CD46: variants seen among roughly 807,000 people sequenced by gnomAD.
The protein encoded by CD46 is CD46 molecule.
Under a neutral mutation model 53.3 loss-of-function variants are expected in CD46, and 30 were observed. That is an observed-to-expected ratio of 0.56 (90% confidence interval 0.42 to 0.76). CD46 has a LOEUF of 0.76. Ranked by LOEUF, CD46 falls within the 30% of genes least tolerant of loss-of-function variation. The pLI is 0.00. For synonymous variants in CD46, 142 were observed against 152.0 expected (o/e 0.93, Z 0.48); for missense variants, 409 against 463.0 (o/e 0.88, Z 1.07).
intron 12 of CD46, among the ~76,000 whole-genome samples, chr1:207,793,195 TCAG>T (rs1659965242): frequency 6.6e-6 from 1 of 152,168 alleles, no homozygotes; most frequent in Admixed American, 6.5e-5. Context: ...AATGGAGGGA[TCAG>T]GAAAGCATGC....
In CD46 at chr1:207,794,642, T is replaced by C. The variant is rs1387944351; in HGVS notation, c.*1165T>C. On this transcript the variant is annotated 3_prime_UTR_variant, in exon 13 of 13. Transcript: ENST00000367042. Reference sequence around the variant, plus strand: ...AAGGCAGAGTACAAAGTAAGCCATGTATCTCAGGAAGGTAACTTCATTTTG... The same window carrying C: ...AAGGCAGAGTACAAAGTAAGCCATGCATCTCAGGAAGGTAACTTCATTTTG... 2 of 152,242 alleles carry C rather than the reference T, an allele frequency of 1.3e-5. No homozygotes were observed. Among genetic ancestry groups the C allele is most frequent in the African/African-American group, 2.4e-5 (1 of 41,472 alleles). The allele number at this position is 152,242 out of a possible 1,614,324, so 9.4% of individuals were successfully genotyped here. A position where few individuals can be genotyped will look rare whatever the true frequency, so the allele number is the denominator to read the frequency against.
intron 7 of CD46, chr1:207,768,048 A>T: frequency 1.9e-6 from 1 of 514,404 alleles, no homozygotes; most frequent in Non-Finnish European, 3.5e-6. Context: ...TAAATTTTGA[A>T]TGTGTTTATA....
intron 11 of CD46, among the ~76,000 whole-genome samples, chr1:207,789,392 T>C (rs1659578348): frequency 6.6e-6 from 1 of 152,206 alleles, no homozygotes; most frequent in Non-Finnish European, 1.5e-5. Flanking sequence ...AATTGGGGCA[T>C]ATAGTGACAT....
At chr1:207,772,419 C>A (rs931953139) in intron 8 of CD46, among the ~76,000 whole-genome samples, 1 of 152,160 alleles carries the variant, frequency 6.6e-6, no homozygotes, top group Non-Finnish European at 1.5e-5. Flanking sequence ...ATCACCCTGG[C>A]CAGAACTTCC....
intron 8 of CD46, among the ~76,000 whole-genome samples, chr1:207,779,963 G>A (rs1361394834): frequency 1.8e-4 from 17 of 93,254 alleles, no homozygotes; most frequent in South Asian, 1.6e-3. Flanking sequence ...AATAACTGCC[G>A]GGAACACTTC....
intron 8 of CD46, among the ~76,000 whole-genome samples, chr1:207,773,094 T>G (rs1657698540): frequency 6.6e-6 from 1 of 152,240 alleles, no homozygotes; most frequent in Non-Finnish European, 1.5e-5. Context: ...ATTGGTCTAT[T>G]CAGAGGTTCA....
intron 12 of CD46, among the ~76,000 whole-genome samples, chr1:207,791,131 C>T (rs552680557): frequency 6.6e-6 from 1 of 152,196 alleles, no homozygotes; most frequent in Admixed American, 6.5e-5. Context: ...AAAGACAAAA[C>T]ATACCAACCA....
rs1210938575 is a variant in CD46 at position 207,767,145 on chromosome 1, T to C, written c.806T>C (p.Val269Ala). The C allele has an allele frequency of 4.3e-6, 7 of 1,613,946 alleles. No homozygotes were observed. The highest frequency in any genetic ancestry group is 1.3e-5 in the African/African-American group (1 of 75,068). ...TACCTCGATGGCAGCGACACAATTG[T>C]CTGTGACAGTAACAGTACTTGGGAT... Reference protein sequence around the residue: ...GFYLDGSDTIVCDSNSTWDPP... With the variant: ...GFYLDGSDTIACDSNSTWDPP... The change falls in exon 6 of 13, where the codon GTC (valine) becomes GCC (alanine). Residue 269 changes from valine (V) to alanine (A), a missense_variant. Val to Ala is a moderately conservative substitution (Grantham distance 64, BLOSUM62 0). Transcript: ENST00000367042.
At chr1:207,784,664 G>A (rs1028329023) in intron 9 of CD46, among the ~76,000 whole-genome samples, 3 of 152,138 alleles carry the variant, frequency 2.0e-5, no homozygotes, top group African/African-American at 4.8e-5. Context: ...GTCTGAGACC[G>A]GGTAATTTAT....
chr1:207,767,674 T>C, intron 6 of CD46, 105 bp from the exon 7 acceptor site: 1 of 1,607,704 alleles, frequency 6.2e-7, no homozygotes, highest in Non-Finnish European at 8.5e-7. Context: ...CTTCCTTATA[T>C]GTCTTCTTCC....
chr1:207,781,310 A>T (rs1658711285), intron 8 of CD46, among the ~76,000 whole-genome samples: 1 of 151,768 alleles, frequency 6.6e-6, no homozygotes, highest in African/African-American at 2.4e-5. Flanking sequence ...GAGTTTTAAG[A>T]GTTATTTATA....
rs115177125 is a variant in CD46 at position 207,757,545 on chromosome 1, A to G, written c.292A>G (p.Thr98Ala). ...TCAAAATTATTTTCTTTCAGGAGAA[A>G]CATGTCCATATATACGGGATCCTTT... is the stretch of plus-strand genomic sequence containing the variant. ...PVSDDACYRE[T>A]CPYIRDPLNG... The change falls in exon 3 of 13, where the codon ACA becomes GCA. Residue 98 changes from threonine (T) to alanine (A), a missense_variant. Physicochemically the swap from Thr to Ala is moderately conservative, Grantham distance 58. Coordinates refer to ENST00000367042, the MANE Select transcript of CD46 (RefSeq NM_172351.3). 1.9e-6 allele frequency: 3 copies of G among 1,593,382 alleles called. No individual in the cohort carries two copies. The African/African-American group carries it at 4.0e-5, about 21-fold the overall frequency.
intron 8 of CD46, among the ~76,000 whole-genome samples, chr1:207,776,943 A>G (rs1345241767): frequency 6.6e-6 from 1 of 152,112 alleles, no homozygotes; most frequent in Admixed American, 6.5e-5. Flanking sequence ...GCCAATTTAC[A>G]TTTCTTTAAT....
At chr1:207,770,258 A>G in intron 7 of CD46, 63 bp from the exon 8 acceptor site, 1 of 1,164,832 alleles carries the variant, frequency 8.6e-7, no homozygotes, top group Non-Finnish European at 1.3e-6. Context: ...TATCAAAATT[A>G]AAGTCATAAT....
intron 11 of CD46, among the ~76,000 whole-genome samples, chr1:207,789,841 C>T (rs986826370): frequency 7.6e-6 from 1 of 130,802 alleles, no homozygotes; most frequent in African/African-American, 3.0e-5. Flanking sequence ...TGAGATCAGC[C>T]TGGGCAACAT....
Position 207,772,288 on chromosome 1 carries a change from G to T in CD46, c.943+1926G>T, listed in dbSNP as rs952972381. Among the ~76,000 whole-genome samples, 4 of 152,296 alleles carry T rather than the reference G, an allele frequency of 2.6e-5. No individual in the cohort carries two copies. In the East Asian group the frequency reaches 7.7e-4, roughly 29 times the overall value. Reference sequence around the variant, plus strand: ...CTTCGCTGAAGTTGTTTATCAGCTTGTGGAGATTTTGGGCTGAGACGATGG... The same window carrying T: ...CTTCGCTGAAGTTGTTTATCAGCTTTTGGAGATTTTGGGCTGAGACGATGG... On this transcript the variant is annotated intron_variant, in intron 8 of 12. Transcript: ENST00000367042.
chr1:207,778,757 T>C lies in CD46; in HGVS notation c.944-4535T>C, dbSNP rs578202994. On this transcript the variant is annotated intron_variant, in intron 8 of 12. Coordinates refer to ENST00000367042, the MANE Select transcript of CD46 (RefSeq NM_172351.3). ...TTTGTTCTTTTTGCGTAAGATTTTCTTGACTATTCAGGCTCTTTTTGGCTC... is the reference window on the plus strand; with the variant it reads ...TTTGTTCTTTTTGCGTAAGATTTTCCTGACTATTCAGGCTCTTTTTGGCTC... Among the ~76,000 whole-genome samples, 5 of 152,378 alleles carry C rather than the reference T, an allele frequency of 3.3e-5. No individual in the cohort carries two copies. In the South Asian group the frequency reaches 1.0e-3, roughly 32 times the overall value.
chr1:207,757,480 A>G (rs1655689203), intron 2 of CD46, 60 bp from the exon 3 acceptor site: 1 of 1,135,332 alleles, frequency 8.8e-7, no homozygotes, highest in South Asian at 1.3e-5. Flanking sequence ...CAGAATTTTG[A>G]TTTTGATTCA....
At position 207,787,848 on chromosome 1, in the gene CD46, G is replaced by T. The variant is rs746689516; in HGVS notation, c.1082+2166G>T. ...TGATAGCTGAACTGAATGTGAGGGT[G>T]GTTTATCTTTCTTCTTCAGAGTCTA... On this transcript the variant is annotated intron_variant, in intron 11 of 12. Coordinates refer to ENST00000367042, the MANE Select transcript of CD46 (RefSeq NM_172351.3). Among the ~76,000 whole-genome samples the T allele has an allele frequency of 3.7e-4, 56 of 152,094 alleles. 1 individual carries two copies. Among genetic ancestry groups the T allele is most frequent in the Non-Finnish European group, 2.9e-4 (20 of 68,004 alleles).
Sources: gnomAD v4.1 joint callset for allele counts (sites outside exome capture counted in the v4.1 genomes callset) on GRCh38, gnomAD v4.1.1 for gene constraint, MANE v1.5 for transcripts, NCBI Gene and HGNC (gene_info 2026-07-23, HGNC 2026-07-21) for gene names.